MAGI2: variants seen among roughly 807,000 people sequenced by gnomAD.
The protein encoded by MAGI2 is membrane-associated guanylate kinase, WW and PDZ domain-containing protein 2.
MAGI2 carries 35 observed loss-of-function variants against 133.3 expected under a neutral mutation model. The ratio of observed to expected loss-of-function variants is 0.26; its 90% CI spans 0.20 to 0.35. The LOEUF (loss-of-function observed/expected upper bound fraction) is 0.35. Ranked by LOEUF, MAGI2 falls within the 10% of genes least tolerant of loss-of-function variation. The pLI, the probability that MAGI2 is intolerant of heterozygous loss-of-function variation, is 1.00. For synonymous variants in MAGI2, 729 were observed against 710.6 expected (o/e 1.03, Z -0.41); for missense variants, 1,636 against 1,863.4 (o/e 0.88, Z 2.25).
At chr7:79,367,939 A>T (rs1037798744) in intron 1 of MAGI2, among the ~76,000 whole-genome samples, 6 of 145,474 alleles carry the variant, frequency 4.1e-5, no homozygotes, top group Admixed American at 7.1e-5. Context: ...GGCTGAATAG[A>T]GCCCCAAAGC....
rs1245321271 is a variant in MAGI2 at position 78,533,356 on chromosome 7, A to G, written c.539-11711T>C. On this transcript the variant is annotated intron_variant, in intron 3 of 21. Coordinates refer to ENST00000354212, the MANE Select transcript of MAGI2 (RefSeq NM_012301.4). Reference sequence around the variant, plus strand: ...GTGGGTCAAAAAGACCAGAAAATACATAGGAATAAGAAAAGTAAGGACAAG... The same window carrying G: ...GTGGGTCAAAAAGACCAGAAAATACGTAGGAATAAGAAAAGTAAGGACAAG... Among the ~76,000 whole-genome samples the G allele has an allele frequency of 2.6e-5, 4 of 152,354 alleles. No individual in the cohort carries two copies. In the East Asian group the frequency reaches 7.7e-4, roughly 29 times the overall value.
chr7:79,027,769 C>G (rs1290684878), intron 1 of MAGI2, among the ~76,000 whole-genome samples: 1 of 151,972 alleles, frequency 6.6e-6, no homozygotes, highest in African/African-American at 2.4e-5. Flanking sequence ...ATCATAGCAT[C>G]ATTTTGTAAT....
chr7:79,031,770 G>T (rs1471915157), intron 1 of MAGI2, among the ~76,000 whole-genome samples: 1 of 151,996 alleles, frequency 6.6e-6, no homozygotes, highest in East Asian at 1.9e-4. Context: ...AAGCACATTT[G>T]TTTTGTAAAA....
intron 1 of MAGI2, among the ~76,000 whole-genome samples, chr7:79,290,614 A>G (rs1836397789): frequency 6.6e-6 from 1 of 151,938 alleles, no homozygotes; most frequent in Admixed American, 6.6e-5. Context: ...CTACATAGCT[A>G]AATGTGGCCT....
intron 1 of MAGI2, among the ~76,000 whole-genome samples, chr7:79,200,880 G>C (rs1321404294): frequency 6.6e-6 from 1 of 151,930 alleles, no homozygotes; most frequent in Non-Finnish European, 1.5e-5. Context: ...AGCATCAATA[G>C]CAGGCAAAAT....
chr7:79,304,016 T>A (rs535447837), intron 1 of MAGI2, among the ~76,000 whole-genome samples: 70 of 152,266 alleles, frequency 4.6e-4, no homozygotes, highest in African/African-American at 1.3e-3. Context: ...TTGGCCTTCT[T>A]GGCAGATGAG....
intron 2 of MAGI2, among the ~76,000 whole-genome samples, chr7:78,856,471 G>A (rs373854788): frequency 6.0e-4 from 91 of 152,258 alleles, no homozygotes; most frequent in African/African-American, 2.0e-3. Flanking sequence ...TCTACATATA[G>A]CTAGCCAGTT....
At chr7:78,393,992 C>A (rs1240996359) in intron 6 of MAGI2, among the ~76,000 whole-genome samples, 3 of 151,666 alleles carry the variant, frequency 2.0e-5, no homozygotes, top group Admixed American at 2.0e-4. Flanking sequence ...GCTAGAGAAC[C>A]AGAAAAGCTG....
chr7:79,437,989 A>G (rs543696445), intron 1 of MAGI2, among the ~76,000 whole-genome samples: 1 of 152,164 alleles, frequency 6.6e-6, no homozygotes, highest in Non-Finnish European at 1.5e-5. Flanking sequence ...AGTAAAACAG[A>G]ATATATGTGC....
At chr7:78,351,544 T>G (rs945235776) in intron 7 of MAGI2, among the ~76,000 whole-genome samples, 1 of 151,808 alleles carries the variant, frequency 6.6e-6, no homozygotes, top group Admixed American at 6.6e-5. Flanking sequence ...ATGACCACAA[T>G]GCAAACTGGC....
At chr7:78,820,162 A>G (rs565426574) in intron 2 of MAGI2, among the ~76,000 whole-genome samples, 1 of 152,150 alleles carries the variant, frequency 6.6e-6, no homozygotes, top group East Asian at 1.9e-4. Flanking sequence ...TAGATTTGCT[A>G]TAAAAAAGTC....
intron 1 of MAGI2, among the ~76,000 whole-genome samples, chr7:79,250,639 G>A (rs939739193): frequency 2.0e-5 from 3 of 152,036 alleles, no homozygotes; most frequent in African/African-American, 7.2e-5. Context: ...TCATGTTCAC[G>A]GATTGGAAGA....
intron 1 of MAGI2, among the ~76,000 whole-genome samples, chr7:79,107,776 T>C (rs1390066787): frequency 1.3e-5 from 2 of 152,184 alleles, no homozygotes; most frequent in Non-Finnish European, 2.9e-5. Flanking sequence ...ATGTCATTGG[T>C]CATCTAGTCT....
At chr7:78,516,155 G>C (rs1314206955) in intron 4 of MAGI2, among the ~76,000 whole-genome samples, 3 of 152,198 alleles carry the variant, frequency 2.0e-5, no homozygotes, top group Non-Finnish European at 4.4e-5. Flanking sequence ...GGAATGGTCT[G>C]ATCACACAGG....
At chr7:78,602,375 G>T (rs1249702594) in intron 3 of MAGI2, among the ~76,000 whole-genome samples, 1 of 152,100 alleles carries the variant, frequency 6.6e-6, no homozygotes, top group Non-Finnish European at 1.5e-5. Context: ...GGCCAAGCTG[G>T]TCTCAAACTT....
intron 2 of MAGI2, among the ~76,000 whole-genome samples, chr7:78,779,798 ACT>A (rs926282105): frequency 6.6e-6 from 1 of 152,176 alleles, no homozygotes; most frequent in Admixed American, 6.5e-5. Flanking sequence ...TCTATGACAG[ACT>A]CTGCTATGTG....
chr7:78,311,421 C>T (rs925053660), intron 9 of MAGI2, among the ~76,000 whole-genome samples: 1 of 152,176 alleles, frequency 6.6e-6, no homozygotes, highest in Non-Finnish European at 1.5e-5. Flanking sequence ...TTTGGCAGTA[C>T]TGACGAGACA....
intron 2 of MAGI2, among the ~76,000 whole-genome samples, chr7:78,823,093 T>C (rs1322010668): frequency 6.6e-6 from 1 of 152,202 alleles, no homozygotes; most frequent in East Asian, 1.9e-4. Context: ...GAATTTTTAG[T>C]TCATTTTAAG....
intron 2 of MAGI2, among the ~76,000 whole-genome samples, chr7:78,980,558 T>C (rs1804692788): frequency 6.6e-6 from 1 of 151,874 alleles, no homozygotes; most frequent in African/African-American, 2.4e-5. Context: ...ATGACATCTC[T>C]CCATTTTAGA....
Sources: gnomAD v4.1 joint callset for allele counts (sites outside exome capture counted in the v4.1 genomes callset) on GRCh38, gnomAD v4.1.1 for gene constraint, MANE v1.5 for transcripts, NCBI Gene and HGNC (gene_info 2026-07-23, HGNC 2026-07-21) for gene names.